Variants in SYNPR observed in about 807,000 individuals in gnomAD.
The protein encoded by SYNPR is synaptoporin.
SYNPR carries 23 observed loss-of-function variants against 32.9 expected under a neutral mutation model. The observed-to-expected ratio is 0.70, with a 90% CI of 0.50 to 0.99. The LOEUF (loss-of-function observed/expected upper bound fraction) is 0.99, where lower values mean the gene tolerates loss of function less well. SYNPR is among the 50% of genes least tolerant of loss of function. The pLI, the probability that SYNPR is intolerant of heterozygous loss-of-function variation, is 0.00. For synonymous variants in SYNPR, 146 were observed against 135.9 expected (o/e 1.07, Z -0.52); for missense variants, 318 against 349.3 (o/e 0.91, Z 0.71).
At chr3:63,276,254 A>G (rs1359265126), upstream of SYNPR, among the ~76,000 whole-genome samples, 3 of 152,300 alleles carry the variant, frequency 2.0e-5, no homozygotes, top group East Asian at 1.9e-4. Context: ...AACAAGACAC[A>G]TGGCTACTGC....
At chr3:63,455,387 A>G (rs902875721) in intron 2 of SYNPR, among the ~76,000 whole-genome samples, 1 of 152,126 alleles carries the variant, frequency 6.6e-6, no homozygotes, top group Non-Finnish European at 1.5e-5. Context: ...ACACTGTTCA[A>G]ACTCTACTTG....
At chr3:63,569,466 A>T (rs1442253231) in intron 4 of SYNPR, among the ~76,000 whole-genome samples, 1 of 152,186 alleles carries the variant, frequency 6.6e-6, no homozygotes, top group Non-Finnish European at 1.5e-5. Flanking sequence ...TACAAAGATA[A>T]TTTTCTTCCC....
At chr3:63,595,787 TTATATATATATAGTTA>T (rs1271846181) in intron 4 of SYNPR, among the ~76,000 whole-genome samples, 1 of 28,214 alleles carries the variant, frequency 3.5e-5, no homozygotes, top group African/African-American at 2.3e-4. Context: ...ATATATATAG[TTATATATATATAGTTA>T]TATATATATA....
At chr3:63,234,917 A>T (rs1244073329) in intron 1 of SYNPR, among the ~76,000 whole-genome samples, 2 of 152,192 alleles carry the variant, frequency 1.3e-5, no homozygotes, top group African/African-American at 4.8e-5. Context: ...ATAAGTATAG[A>T]TTCATGTGCA....
At chr3:63,388,634 G>A (rs1208229640) in intron 2 of SYNPR, among the ~76,000 whole-genome samples, 1 of 150,840 alleles carries the variant, frequency 6.6e-6, no homozygotes, top group East Asian at 2.0e-4. Flanking sequence ...GTTGGCCAGG[G>A]TGGTCTTGAT....
intron 4 of SYNPR, among the ~76,000 whole-genome samples, chr3:63,569,762 C>T (rs1702854350): frequency 6.6e-6 from 1 of 152,216 alleles, no homozygotes; most frequent in Non-Finnish European, 1.5e-5. Flanking sequence ...ATTAACAGCT[C>T]CTCTGGCCAA....
At chr3:63,211,849 T>C in the SYNPR span, among the ~76,000 whole-genome samples, 1 of 33,176 alleles carries the variant, frequency 3.0e-5, no homozygotes, top group Non-Finnish European at 6.3e-5. Flanking sequence ...CCCAATGCTA[T>C]CCCTCCCCCC....
At chr3:63,538,381 G>A (rs573763927) in intron 3 of SYNPR, among the ~76,000 whole-genome samples, 1 of 151,942 alleles carries the variant, frequency 6.6e-6, no homozygotes, top group Admixed American at 6.6e-5. Context: ...CTGGGATATA[G>A]TGAACATTAC....
chr3:63,364,998 A>G (rs2087714463), intron 2 of SYNPR, among the ~76,000 whole-genome samples: 1 of 152,186 alleles, frequency 6.6e-6, no homozygotes, highest in South Asian at 2.1e-4. Context: ...AAGATAAATG[A>G]AAAGGTTGAC....
chr3:63,509,288 G>GTATATATATATATATATATA (rs1007085201), intron 3 of SYNPR, among the ~76,000 whole-genome samples: 1 of 147,634 alleles, frequency 6.8e-6, no homozygotes, highest in Admixed American at 6.8e-5. Context: ...ATATGTGTGT[G>GTATATATATATATATATATA]TATATATATA....
intron 4 of SYNPR, among the ~76,000 whole-genome samples, chr3:63,597,916 C>T (rs1055332202): frequency 3.3e-5 from 5 of 152,174 alleles, no homozygotes; most frequent in African/African-American, 1.2e-4. Flanking sequence ...AGCTCTGCCC[C>T]CAGCTGAGCT....
In SYNPR at chr3:63,264,395, T is replaced by C. The variant is rs561766608; in HGVS notation, n.155-2922T>C. 7.3e-5 allele frequency among the ~76,000 whole-genome samples: 10 copies of C among 136,190 alleles called. No individual in the cohort carries two copies. In the South Asian group the frequency reaches 2.5e-3, roughly 34 times the overall value. The allele number at this position is 136,190 out of a possible 152,430, so 89.3% of individuals were successfully genotyped here. On this transcript the variant is annotated intron_variant and non_coding_transcript_variant, in intron 2 of 4. Transcript: ENST00000478456. ...TGAAAGGCACTCTTACAAGCCTGTTTGAAAAAAATCATTTCAAATAGAGAT... is the reference window on the plus strand; with the variant it reads ...TGAAAGGCACTCTTACAAGCCTGTTCGAAAAAAATCATTTCAAATAGAGAT...
chr3:63,435,607 C>T (rs1700070143), intron 2 of SYNPR, among the ~76,000 whole-genome samples: 1 of 152,220 alleles, frequency 6.6e-6, no homozygotes, highest in Admixed American at 6.5e-5. Flanking sequence ...ACCCTCCCAT[C>T]TTCATGGTGT....
chr3:63,352,678 C>T (rs1007433472), intron 2 of SYNPR, among the ~76,000 whole-genome samples: 8 of 152,084 alleles, frequency 5.3e-5, no homozygotes, highest in Non-Finnish European at 1.0e-4. Flanking sequence ...AATAAATACC[C>T]GAGACTGGGT....
At chr3:63,566,574 T>C (rs1480105096) in intron 4 of SYNPR, among the ~76,000 whole-genome samples, 3 of 152,212 alleles carry the variant, frequency 2.0e-5, no homozygotes, top group East Asian at 3.9e-4. Flanking sequence ...TTATTCCTAT[T>C]ACCCTTGAGG....
intron 2 of SYNPR, among the ~76,000 whole-genome samples, chr3:63,363,670 T>G (rs1422362330): frequency 6.6e-6 from 1 of 152,194 alleles, no homozygotes; most frequent in Non-Finnish European, 1.5e-5. Context: ...GGTAATTACT[T>G]GGATTAAATG....
chr3:63,319,274 T>C (rs920166925), intron 2 of SYNPR, among the ~76,000 whole-genome samples: 3 of 152,086 alleles, frequency 2.0e-5, no homozygotes, highest in Admixed American at 6.6e-5. Context: ...TTCTGTTCCA[T>C]TGGTCTATGT....
At chr3:63,333,394 C>T (rs1357521) in intron 2 of SYNPR, among the ~76,000 whole-genome samples, 32,601 of 151,518 alleles carry the variant, frequency 0.22, 4,036 homozygotes, top group South Asian at 0.38. Context: ...AGGATAAAAC[C>T]GATGGCTCAG....
intron 2 of SYNPR, among the ~76,000 whole-genome samples, chr3:63,479,508 C>A (rs943835863): frequency 9.9e-5 from 15 of 151,980 alleles, no homozygotes; most frequent in African/African-American, 3.6e-4. Context: ...GTGAAGGTTT[C>A]ACAATGCCTT....
Sources: allele counts gnomAD v4.1 joint callset (sites outside exome capture counted in the v4.1 genomes callset), GRCh38; gene constraint gnomAD v4.1.1; transcripts MANE v1.5; gene names NCBI Gene and HGNC (gene_info 2026-07-23, HGNC 2026-07-21).